Variants in CALD1 observed in about 807,000 individuals in gnomAD.
CALD1 encodes caldesmon 1.
In CALD1, 33 loss-of-function variants were observed where a neutral mutation model predicts 99.9. The observed-to-expected ratio is 0.33, with a 90% confidence interval of 0.25 to 0.44. The LOEUF (loss-of-function observed/expected upper bound fraction) is 0.44, where lower values mean the gene tolerates loss of function less well. CALD1 is among the 20% of genes least tolerant of loss of function. The pLI is 1.00. For missense variants in CALD1, 861 were observed against 962.1 expected (o/e 0.89, Z 1.39); for synonymous variants, 310 against 325.0 (o/e 0.95, Z 0.50).
chr7:134,766,141 C>CTTTTTTTTTT (rs71172475), intron 1 of CALD1, among the ~76,000 whole-genome samples: 264 of 70,702 alleles, frequency 3.7e-3, no homozygotes, highest in Non-Finnish European at 5.3e-3. Flanking sequence ...CTTTTCTTTT[C>CTTTTTTTTTT]TTTTTTTTTT....
upstream of CALD1, among the ~76,000 whole-genome samples, chr7:134,777,844 C>A (rs1325089569): frequency 6.6e-6 from 1 of 152,206 alleles, no homozygotes; most frequent in African/African-American, 2.4e-5. Flanking sequence ...TCTATCTTTC[C>A]TTCCTGTCAG....
In CALD1 at chr7:134,968,758, C is replaced by T; in HGVS notation, c.*413C>T. On this transcript the variant is annotated 3_prime_UTR_variant, in exon 15 of 15. Transcript: ENST00000361675. ...ATACAGAAGTCATGTTGTTTCTGCA[C>T]TTTATAATAAAGCATGGAAGAAATT... is the stretch of plus-strand genomic sequence containing the variant. The T allele has an allele frequency of 3.8e-6, 1 of 259,842 alleles. No homozygotes were observed. Among genetic ancestry groups the T allele is most frequent in the East Asian group, 7.7e-5 (1 of 13,050 alleles). The allele number at this position is 259,842 out of a possible 1,614,324, so 16.1% of individuals were successfully genotyped here. A position where few individuals can be genotyped will look rare whatever the true frequency, so the allele number is the denominator to read the frequency against.
chr7:134,927,413 G>A (rs1805108969), intron 3 of CALD1, among the ~76,000 whole-genome samples: 2 of 151,642 alleles, frequency 1.3e-5, no homozygotes, highest in Admixed American at 1.3e-4. Flanking sequence ...TTAGCTGGGT[G>A]TGGTGGTGTG....
At position 134,958,872 on chromosome 7, in the gene CALD1, AATATATATATATATATATATAT is replaced by A. The variant is rs58837080; in HGVS notation, c.2061+599_2061+620del. Among the ~76,000 whole-genome samples the A allele has an allele frequency of 2.1e-3, 256 of 124,870 alleles. 4 individuals are homozygous for A. The highest frequency in any genetic ancestry group is 7.4e-3 in the African/African-American group (243 of 32,690). The allele number at this position is 124,870 out of a possible 152,430, so 81.9% of individuals were successfully genotyped here. A position where few individuals can be genotyped will look rare whatever the true frequency, so the allele number is the denominator to read the frequency against. The stretch of plus-strand genomic sequence containing the variant: ...TAACGAATGGGTTTACTGGTATTTA[AATATATATATATATATATATAT>A]ATATATATATATATATTTAACTATA... On this transcript the variant is annotated intron_variant, in intron 11 of 14. Transcript: ENST00000361675.
At chr7:134,921,263 G>A (rs1036097905) in intron 3 of CALD1, among the ~76,000 whole-genome samples, 2 of 152,126 alleles carry the variant, frequency 1.3e-5, no homozygotes, top group African/African-American at 2.4e-5. Context: ...TCCTTTTTAT[G>A]CACTATTGAA....
At position 134,876,908 on chromosome 7, in the gene CALD1, A is replaced by G. The variant is rs1394855271; in HGVS notation, c.71+9104A>G. Among the ~76,000 whole-genome samples, 3 of 152,156 alleles carry G rather than the reference A, an allele frequency of 2.0e-5. No homozygotes were observed. In the South Asian group the frequency reaches 6.2e-4, roughly 31 times the overall value. ...GAGGATGGGACAGATTTGGAGTGGG[A>G]CAGGTGCCTTTCAGAGAGTAGGATC... On this transcript the variant is annotated intron_variant, in intron 3 of 14. Transcript: ENST00000361675.
At chr7:134,776,070 T>C (rs552306555), upstream of CALD1, among the ~76,000 whole-genome samples, 1 of 152,322 alleles carries the variant, frequency 6.6e-6, no homozygotes, top group South Asian at 2.1e-4. Flanking sequence ...TCTACACAGA[T>C]AATTGTATAG....
chr7:134,818,986 C>A (rs1055194497), intron 1 of CALD1, among the ~76,000 whole-genome samples: 1 of 152,194 alleles, frequency 6.6e-6, no homozygotes, highest in Non-Finnish European at 1.5e-5. Context: ...TGTTCAGTCA[C>A]AGGAAAATCC....
Position 134,821,248 on chromosome 7 carries a change from T to C in CALD1, c.-129-22636T>C, listed in dbSNP as rs116133774. On this transcript the variant is annotated intron_variant, in intron 1 of 14. Coordinates refer to ENST00000361675, the MANE Select transcript of CALD1 (RefSeq NM_033138.4). ...AGATAATGTCTAGTGATAATATCTG[T>C]AGTTAAAACAACAACAAGCCCAGTC... Among the ~76,000 whole-genome samples the C allele has an allele frequency of 9.5e-3, 1,447 of 151,870 alleles. 26 individuals are homozygous for C. Among genetic ancestry groups the C allele is most frequent in the African/African-American group, 0.033 (1,374 of 41,544 alleles).
intron 13 of CALD1, among the ~76,000 whole-genome samples, chr7:134,963,208 C>G (rs1808409265): frequency 6.6e-6 from 1 of 152,194 alleles, no homozygotes; most frequent in Admixed American, 6.5e-5. Flanking sequence ...AATTTTAAAA[C>G]AGTCTTCCAG....
chr7:134,883,859 G>A (rs1801720821), intron 3 of CALD1, among the ~76,000 whole-genome samples: 1 of 152,246 alleles, frequency 6.6e-6, no homozygotes, highest in Non-Finnish European at 1.5e-5. Context: ...TGTAATCCCA[G>A]CACTTTGGGA....
At chr7:134,916,665 T>C (rs1260946060) in intron 3 of CALD1, among the ~76,000 whole-genome samples, 1 of 152,246 alleles carries the variant, frequency 6.6e-6, no homozygotes, top group Admixed American at 6.5e-5. Context: ...CTTGCAGGGA[T>C]CCCCTTTAAT....
intron 1 of CALD1, among the ~76,000 whole-genome samples, chr7:134,808,186 C>A (rs11761008): frequency 1 from 150,575 of 150,724 alleles, 75,213 homozygotes; most frequent in South Asian, 1. Flanking sequence ...CTGCAGCTCC[C>A]AACTCCTGGG....
At chr7:134,758,596 A>G (rs1796750951) in intron 1 of CALD1, among the ~76,000 whole-genome samples, 12 of 151,796 alleles carry the variant, frequency 7.9e-5, no homozygotes, top group Admixed American at 7.9e-4. Flanking sequence ...ACAGATGGGA[A>G]TGGTTAAAAT....
At position 134,933,932 on chromosome 7, in the gene CALD1, G is replaced by T; in HGVS notation, c.1163G>T (p.Arg388Leu). 1.2e-6 allele frequency: 2 copies of T among 1,614,004 alleles called. No individual in the cohort carries two copies. Among genetic ancestry groups the T allele is most frequent in the Non-Finnish European group, 1.7e-6 (2 of 1,179,954 alleles). Residue 388 changes from arginine to leucine, a missense_variant, in exon 5 of 15, where the codon CGT becomes CTT. Physicochemically the swap from Arg to Leu is moderately radical, Grantham distance 102. Around this residue, in one of 5 missense-constraint regions of CALD1, gnomAD observed 293 missense variants for 262.7 expected, o/e 1.12. Transcript: ENST00000361675. The stretch of plus-strand genomic sequence containing the variant: ...AAGGCTAAGGTAGAAGAGCAGAAAC[G>T]TAACAAGCAGCTAGAAGAGAAAAAA... ...EEKAKVEEQKRNKQLEEKKHA... is the reference protein window; with the variant it reads ...EEKAKVEEQKLNKQLEEKKHA...
intron 1 of CALD1, among the ~76,000 whole-genome samples, chr7:134,837,318 A>G (rs762626625): frequency 1.1e-4 from 16 of 150,996 alleles, no homozygotes; most frequent in Non-Finnish European, 1.9e-4. Context: ...TCATCACTCA[A>G]CAACAGACTT....
intron 9 of CALD1, among the ~76,000 whole-genome samples, chr7:134,953,423 G>A (rs979000108): frequency 6.6e-6 from 1 of 151,872 alleles, no homozygotes; most frequent in Non-Finnish European, 1.5e-5. Flanking sequence ...TTAGCTGGGC[G>A]CAGTGGCGCA....
intron 1 of CALD1, among the ~76,000 whole-genome samples, chr7:134,756,755 G>A (rs1585899501): frequency 6.6e-6 from 1 of 152,090 alleles, no homozygotes; most frequent in South Asian, 2.1e-4. Context: ...GATTCATAGT[G>A]TATTAATAAA....
chr7:134,729,526 C>G, the CALD1 span, among the ~76,000 whole-genome samples: 1 of 152,170 alleles, frequency 6.6e-6, no homozygotes, highest in South Asian at 2.1e-4. Flanking sequence ...GAGGGCAGGC[C>G]CAAGTCTAGA....
Sources: allele counts gnomAD v4.1 joint callset (sites outside exome capture counted in the v4.1 genomes callset), GRCh38; gene constraint gnomAD v4.1.1; regional missense constraint gnomAD v4.1.1; transcripts MANE v1.5; gene names NCBI Gene and HGNC (gene_info 2026-07-23, HGNC 2026-07-21).